Variants in MYOCD observed in about 807,000 individuals in gnomAD.
MYOCD encodes the protein myocardin.
MYOCD carries 32 observed loss-of-function variants against 96.1 expected under a neutral mutation model. The ratio of observed to expected loss-of-function variants is 0.33; its 90% CI spans 0.25 to 0.45. The LOEUF is 0.45. Ranked by LOEUF, MYOCD falls within the 20% of genes least tolerant of loss-of-function variation. MYOCD has a pLI of 1.00. For synonymous variants in MYOCD, 469 were observed against 469.0 expected (o/e 1.00, Z 0.00); for missense variants, 1,133 against 1,200.6 (o/e 0.94, Z 0.83).
At chr17:12,725,281 A>G (rs1482481169) in intron 5 of MYOCD, among the ~76,000 whole-genome samples, 2 of 151,500 alleles carry the variant, frequency 1.3e-5, no homozygotes, top group African/African-American at 4.8e-5. Context: ...AGACAACAAC[A>G]TGATTAGCAT....
chr17:12,684,349 CCT>C (rs529837637), intron 1 of MYOCD, among the ~76,000 whole-genome samples: 22 of 152,108 alleles, frequency 1.4e-4, no homozygotes, highest in Non-Finnish European at 2.9e-4. Flanking sequence ...CCGGTGTAGC[CCT>C]CTTTCTACAG....
intron 1 of MYOCD, among the ~76,000 whole-genome samples, chr17:12,679,428 T>A (rs181651117): frequency 6.6e-6 from 1 of 152,276 alleles, no homozygotes; most frequent in Admixed American, 6.5e-5. Flanking sequence ...AGCATGACAC[T>A]ACAGAATGTC....
In MYOCD at chr17:12,745,899, C is replaced by A; in HGVS notation, c.972-20C>A. 3 of 1,612,668 alleles carry A rather than the reference C, an allele frequency of 1.9e-6. No homozygotes were observed. Among genetic ancestry groups the A allele is most frequent in the Non-Finnish European group, 2.5e-6 (3 of 1,179,520 alleles). On this transcript the variant is annotated intron_variant, in intron 8 of 13. Coordinates refer to ENST00000425538, the MANE Select transcript of MYOCD (RefSeq NM_001146312.3). ...CCAATATTTGATTGTACTTGAAATG[C>A]CTCTTTGTTTGTTTTTTAGGGAACC...
chr17:12,725,394 T>G (rs2031966684), intron 5 of MYOCD, among the ~76,000 whole-genome samples: 1 of 149,004 alleles, frequency 6.7e-6, no homozygotes, highest in African/African-American at 2.4e-5. Context: ...TATATATTAT[T>G]TATGCATTAT....
At chr17:12,699,523 C>T (rs188310344) in intron 1 of MYOCD, among the ~76,000 whole-genome samples, 1 of 152,324 alleles carries the variant, frequency 6.6e-6, no homozygotes. Flanking sequence ...CCAGCCCTAA[C>T]CTCTCAGCCT....
At chr17:12,718,566 G>A (rs2031719056) in intron 4 of MYOCD, among the ~76,000 whole-genome samples, 1 of 152,142 alleles carries the variant, frequency 6.6e-6, no homozygotes, top group Non-Finnish European at 1.5e-5. Flanking sequence ...ATTTATTCTG[G>A]CTTTCCAAGA....
At chr17:12,714,954 C>T (rs986090433) in intron 2 of MYOCD, among the ~76,000 whole-genome samples, 4 of 152,120 alleles carry the variant, frequency 2.6e-5, no homozygotes, top group Non-Finnish European at 5.9e-5. Context: ...AGTTAACTTC[C>T]CTGTCTCCAA....
intron 8 of MYOCD, 42 bp downstream of exon 8, chr17:12,744,478 T>C: frequency 6.4e-7 from 1 of 1,557,496 alleles, no homozygotes; most frequent in South Asian, 1.2e-5. Flanking sequence ...GGGCAGAGGT[T>C]GGGAAGGGTG....
chr17:12,750,944 G>T (rs2032836764), intron 9 of MYOCD, among the ~76,000 whole-genome samples: 1 of 151,968 alleles, frequency 6.6e-6, no homozygotes, highest in Non-Finnish European at 1.5e-5. Flanking sequence ...TTGATACATT[G>T]AGCTTTTTAA....
chr17:12,708,117 T>C (rs2150676691), intron 2 of MYOCD, among the ~76,000 whole-genome samples: 1 of 152,254 alleles, frequency 6.6e-6, no homozygotes, highest in African/African-American at 2.4e-5. Flanking sequence ...TGAAAACCCC[T>C]GACCTACCCC....
intron 1 of MYOCD, among the ~76,000 whole-genome samples, chr17:12,678,137 C>A (rs192598238): frequency 6.6e-6 from 1 of 151,716 alleles, no homozygotes; most frequent in African/African-American, 2.4e-5. Context: ...GTGATTTGCC[C>A]GCCTCAGCCT....
intron 5 of MYOCD, among the ~76,000 whole-genome samples, chr17:12,727,148 T>G (rs2032022297): frequency 6.6e-6 from 1 of 152,122 alleles, no homozygotes; most frequent in African/African-American, 2.4e-5. Flanking sequence ...GTGTTTAACA[T>G]AGAAACAGGG....
At chr17:12,697,360 T>TATA (rs1491327089) in intron 1 of MYOCD, among the ~76,000 whole-genome samples, 1,462 of 37,986 alleles carry the variant, frequency 0.038, 4 homozygotes, top group South Asian at 0.073. Flanking sequence ...TATATATATA[T>TATA]TTTTTTTTTT....
rs550120333 is a variant in MYOCD at position 12,753,260 on chromosome 17, C to T, written c.1972C>T (p.Pro658Ser). ...CAGTTTGCCCCCATCACCCAACAAC[C>T]CTCACTTTCTGCCCTCATCCTCCGG... ...HISLPPSPNNPHFLPSSSGAQ... is the reference protein window; with the variant it reads ...HISLPPSPNNSHFLPSSSGAQ... Residue 658 changes from proline (P) to serine (S), a missense_variant, in exon 10 of 14, where the codon CCT becomes TCT. Transcript: ENST00000425538. 1 of 1,614,194 alleles carries T rather than the reference C, an allele frequency of 6.2e-7. No individual in the cohort carries two copies. The highest frequency in any genetic ancestry group is 2.2e-5 in the East Asian group (1 of 44,876).
chr17:12,698,805 T>G (rs916896121), intron 1 of MYOCD, among the ~76,000 whole-genome samples: 4 of 127,552 alleles, frequency 3.1e-5, no homozygotes, highest in African/African-American at 5.8e-5. Context: ...TGCAGTGGCG[T>G]GATCTCAGCT....
At chr17:12,703,567 G>C (rs1440513552) in intron 1 of MYOCD, among the ~76,000 whole-genome samples, 1 of 151,888 alleles carries the variant, frequency 6.6e-6, no homozygotes, top group Non-Finnish European at 1.5e-5. Context: ...TCTGTGACTT[G>C]ATATCTATTT....
intron 3 of MYOCD, 48 bp from the exon 4 acceptor site, chr17:12,717,298 T>C (rs1383137187): frequency 2.1e-6 from 3 of 1,437,676 alleles, no homozygotes; most frequent in African/African-American, 2.8e-5. Context: ...ATAAATTGAG[T>C]TTTTTAAAAG....
At chr17:12,740,616 G>A (rs559238216) in intron 7 of MYOCD, among the ~76,000 whole-genome samples, 5 of 152,224 alleles carry the variant, frequency 3.3e-5, no homozygotes, top group South Asian at 4.1e-4. Flanking sequence ...CTTGCGACTC[G>A]TGCTTCTATA....
intron 11 of MYOCD, among the ~76,000 whole-genome samples, chr17:12,757,231 G>A (rs887196346): frequency 1.3e-5 from 2 of 152,128 alleles, no homozygotes; most frequent in Non-Finnish European, 2.9e-5. Flanking sequence ...CCAGGGTATG[G>A]AGAGTCTCAA....
Sources: allele counts gnomAD v4.1 joint callset (sites outside exome capture counted in the v4.1 genomes callset), GRCh38; gene constraint gnomAD v4.1.1; transcripts MANE v1.5; gene names NCBI Gene and HGNC (gene_info 2026-07-23, HGNC 2026-07-21).